Variants in RBPJ observed in about 807,000 individuals in gnomAD.
RBPJ encodes the protein recombining binding protein suppressor of hairless.
In RBPJ, 9 loss-of-function variants were observed where a neutral mutation model predicts 67.8. The observed-to-expected ratio is 0.13, with a 90% CI of 0.08 to 0.23. The LOEUF (loss-of-function observed/expected upper bound fraction) is 0.23. RBPJ is among the 10% of genes least tolerant of loss of function. The pLI, the probability that RBPJ is intolerant of heterozygous loss-of-function variation, is 1.00. For missense variants in RBPJ, 305 were observed against 595.6 expected (o/e 0.51, Z 5.08); for synonymous variants, 198 against 203.3 (o/e 0.97, Z 0.22).
chr4:26,318,721 A>C (rs1171817780), upstream of RBPJ, among the ~76,000 whole-genome samples: 1 of 152,154 alleles, frequency 6.6e-6, no homozygotes, highest in Non-Finnish European at 1.5e-5. Context: ...AATTGCTGCC[A>C]GGCGCGGTGG....
the RBPJ span, among the ~76,000 whole-genome samples, chr4:26,108,741 G>A: frequency 1.6e-4 from 24 of 152,162 alleles, no homozygotes; most frequent in Non-Finnish European, 2.6e-4. Context: ...AACCAGACTG[G>A]GATAGACACA....
chr4:26,244,343 A>ATGTGTG (rs1424993915), intron 1 of RBPJ, among the ~76,000 whole-genome samples: 1 of 95,436 alleles, frequency 1.0e-5, no homozygotes, highest in African/African-American at 3.5e-5. Flanking sequence ...GTGTACACAT[A>ATGTGTG]TGTGTGTATA....
At chr4:26,414,124 C>A (rs1488773916) in intron 3 of RBPJ, among the ~76,000 whole-genome samples, 2 of 151,564 alleles carry the variant, frequency 1.3e-5, no homozygotes, top group African/African-American at 2.4e-5. Flanking sequence ...CTGTGTGTTT[C>A]AAGAAAGAAG....
chr4:26,116,783 A>G, the RBPJ span, among the ~76,000 whole-genome samples: 1 of 152,222 alleles, frequency 6.6e-6, no homozygotes, highest in African/African-American at 2.4e-5. Flanking sequence ...CCAAAGTGGC[A>G]CCAAAGCTAC....
chr4:26,271,877 G>A (rs1289148851), intron 1 of RBPJ, among the ~76,000 whole-genome samples: 1 of 152,194 alleles, frequency 6.6e-6, no homozygotes, highest in Non-Finnish European at 1.5e-5. Flanking sequence ...ATGCACACGT[G>A]TGAGCAACCA....
chr4:26,273,552 C>T (rs1720980628), intron 1 of RBPJ, among the ~76,000 whole-genome samples: 1 of 152,222 alleles, frequency 6.6e-6, no homozygotes, highest in South Asian at 2.1e-4. Context: ...TATCTATGTC[C>T]GAGGCCATTC....
At chr4:26,107,755 A>C in the RBPJ span, among the ~76,000 whole-genome samples, 3 of 152,110 alleles carry the variant, frequency 2.0e-5, no homozygotes, top group African/African-American at 7.2e-5. Flanking sequence ...AAAATTAGCC[A>C]GGTATGATGG....
intron 2 of RBPJ, among the ~76,000 whole-genome samples, chr4:26,401,894 T>TC (rs1311171344): frequency 2.7e-5 from 4 of 149,564 alleles, no homozygotes; most frequent in Non-Finnish European, 6.0e-5. Context: ...TTTCTTTTTT[T>TC]TTTTTTTTTT....
chr4:26,183,100 A>G (rs1477326725), intron 1 of RBPJ, among the ~76,000 whole-genome samples: 1 of 152,230 alleles, frequency 6.6e-6, no homozygotes, highest in Non-Finnish European at 1.5e-5. Context: ...AACACAGTCA[A>G]TTTATTATTA....
Position 26,424,334 on chromosome 4 carries a change from C to G in RBPJ, c.497-8C>G, listed in dbSNP as rs1250281064. On this transcript the variant is annotated splice_region_variant and splice_polypyrimidine_tract_variant and intron_variant, in intron 5 of 10. Coordinates refer to ENST00000355476, the MANE Select transcript of RBPJ (RefSeq NM_015874.6). The surrounding 1 kb of genome is among the most constrained non-coding windows in gnomAD (Gnocchi z 5.3). The stretch of plus-strand genomic sequence containing the variant: ...ATCACATAAATAAGAGCTGTTTTTT[C>G]TTTGCAGTATGCATTGCCTCAGGAA... The G allele has an allele frequency of 6.2e-7, 1 of 1,611,426 alleles. No homozygotes were observed. The highest frequency in any genetic ancestry group is 8.5e-7 in the Non-Finnish European group (1 of 1,179,186).
rs901293508 is a variant in RBPJ at position 26,198,479 on chromosome 4, T to A, written c.-167+34865T>A. Among the ~76,000 whole-genome samples the A allele has an allele frequency of 1.7e-4, 26 of 152,230 alleles. 1 individual carries two copies. Among genetic ancestry groups the A allele is most frequent in the African/African-American group, 6.3e-4 (26 of 41,468 alleles). ...GTAGCACTTATTTTATGCTGCATAC[T>A]GTTTACATATTTTATACATTAACTC... On this transcript the variant is annotated intron_variant, in intron 1 of 4. Transcript: ENST00000512351.
rs1164870016 is a variant in RBPJ at position 26,210,722 on chromosome 4, T to TC, written c.-167+47109dup. ...TTCTTTCTTTCCTTCTTTCCTTCTT[T>TC]CTTTCCTTCTTTACTTCTTTCCTTC... On this transcript the variant is annotated intron_variant, in intron 1 of 4. Transcript: ENST00000512351. Among the ~76,000 whole-genome samples the TC allele has an allele frequency of 2.0e-4, 18 of 91,724 alleles. 1 individual carries two copies. The highest frequency in any genetic ancestry group is 4.9e-4 in the East Asian group (2 of 4,042). The allele number at this position is 91,724 out of a possible 152,430, so 60.2% of individuals were successfully genotyped here.
At chr4:26,294,147 G>A (rs1206942730) in intron 1 of RBPJ, among the ~76,000 whole-genome samples, 1 of 150,856 alleles carries the variant, frequency 6.6e-6, no homozygotes, top group Non-Finnish European at 1.5e-5. Context: ...GCCCAGATTG[G>A]AGTGCAGTGG....
chr4:26,369,450 G>A (rs1460472962), intron 1 of RBPJ, among the ~76,000 whole-genome samples: 1 of 152,186 alleles, frequency 6.6e-6, no homozygotes, highest in African/African-American at 2.4e-5. Context: ...AGAGACGGAA[G>A]CTCTAGAATA....
At chr4:26,275,940 T>A (rs1302625069) in intron 1 of RBPJ, among the ~76,000 whole-genome samples, 4 of 151,482 alleles carry the variant, frequency 2.6e-5, no homozygotes, top group Admixed American at 6.6e-5. Flanking sequence ...TCATAGTTTT[T>A]ATGGCTGAAA....
At chr4:26,199,106 T>C (rs1487012761) in intron 1 of RBPJ, among the ~76,000 whole-genome samples, 1 of 152,152 alleles carries the variant, frequency 6.6e-6, no homozygotes, top group Non-Finnish European at 1.5e-5. Context: ...CAAGGAGAAA[T>C]GCAGGAAGCC....
intron 1 of RBPJ, among the ~76,000 whole-genome samples, chr4:26,179,519 G>A (rs1200121999): frequency 6.6e-6 from 1 of 151,910 alleles, no homozygotes; most frequent in African/African-American, 2.4e-5. Flanking sequence ...CTTATGTAAT[G>A]TAATGAGTGT....
chr4:26,349,465 G>A (rs537446999), intron 1 of RBPJ, among the ~76,000 whole-genome samples: 3 of 152,136 alleles, frequency 2.0e-5, no homozygotes, highest in East Asian at 3.9e-4. Context: ...AATACTTTGC[G>A]ATAGAGTCAT....
chr4:26,204,597 G>A (rs766071536), intron 1 of RBPJ, among the ~76,000 whole-genome samples: 37 of 152,182 alleles, frequency 2.4e-4, no homozygotes, highest in Non-Finnish European at 4.4e-5. Flanking sequence ...AGCACATTGA[G>A]ATGAGATGAC....
Sources: gnomAD v4.1 joint callset for allele counts (sites outside exome capture counted in the v4.1 genomes callset) on GRCh38, gnomAD v4.1.1 for gene constraint, Gnocchi (gnomAD v3.1) non-coding constraint, MANE v1.5 for transcripts, NCBI Gene and HGNC (gene_info 2026-07-23, HGNC 2026-07-21) for gene names.